Variants in CACNA1C observed in about 807,000 individuals in gnomAD.
The protein encoded by CACNA1C is calcium voltage-gated channel subunit alpha1 C.
Under a neutral mutation model 229.0 loss-of-function variants are expected in CACNA1C, and 30 were observed. That is an observed-to-expected ratio of 0.13 (90% CI 0.10 to 0.18). CACNA1C has a LOEUF of 0.18. CACNA1C is among the 10% of genes least tolerant of loss of function. The pLI is 1.00. For missense variants in CACNA1C, 1,658 were observed against 2,845.0 expected (o/e 0.58, Z 9.49); for synonymous variants, 1,114 against 1,132.5 (o/e 0.98, Z 0.33).
chr12:2,170,331 A>G (rs548895683), intron 3 of CACNA1C, among the ~76,000 whole-genome samples: 1 of 152,328 alleles, frequency 6.6e-6, no homozygotes, highest in Admixed American at 6.5e-5. Context: ...ACCTGCCGTG[A>G]CTGAGATCAG....
At chr12:2,261,011 A>C (rs1224078466) in intron 3 of CACNA1C, among the ~76,000 whole-genome samples, 1 of 152,194 alleles carries the variant, frequency 6.6e-6, no homozygotes, top group Non-Finnish European at 1.5e-5. Context: ...CTGGCAGATC[A>C]CAAGGTCAGG....
At chr12:2,423,713 A>G (rs1427859989) in intron 3 of CACNA1C, among the ~76,000 whole-genome samples, 2 of 152,120 alleles carry the variant, frequency 1.3e-5, no homozygotes, top group East Asian at 1.9e-4. Flanking sequence ...GACCCCAGTG[A>G]CCCCAGAATT....
rs748440942 is a variant in CACNA1C, at chr12:2,148,888, A to G, written c.477+28458A>G. 8.7e-4 allele frequency among the ~76,000 whole-genome samples: 132 copies of G among 152,316 alleles called. 1 individual carries two copies. The highest frequency in any genetic ancestry group is 3.4e-3 in the Middle Eastern group (1 of 294). On this transcript the variant is annotated intron_variant, in intron 3 of 46. Transcript: ENST00000399655. ...CTCTATGCACTACCAGACGCAGTCC[A>G]GTGGGCAGCCTGGCGGGTGGCCCTG...
intron 2 of CACNA1C, among the ~76,000 whole-genome samples, chr12:2,116,550 G>A (rs1234941942): frequency 6.6e-6 from 1 of 152,048 alleles, no homozygotes; most frequent in African/African-American, 2.4e-5. Flanking sequence ...TGTATTTTTA[G>A]TAGAAACGGG....
chr12:2,145,378 C>T (rs1208180930), intron 3 of CACNA1C, among the ~76,000 whole-genome samples: 1 of 150,800 alleles, frequency 6.6e-6, no homozygotes, highest in Non-Finnish European at 1.5e-5. Flanking sequence ...TTTGTTTATT[C>T]TGCTGGGTCT....
chr12:2,083,539 G>A lies in CACNA1C; in HGVS notation c.49+29928G>A, dbSNP rs149049050. Among the ~76,000 whole-genome samples, 458 of 152,334 alleles carry A rather than the reference G, an allele frequency of 3.0e-3. 2 individuals carry two copies. The highest frequency in any genetic ancestry group is 0.01 in the African/African-American group (433 of 41,580). On this transcript the variant is annotated intron_variant, in intron 1 of 46. Transcript: ENST00000399655. ...GCTGTGATTCACCCAGCCATCTCAG[G>A]TTGTGCTCTTGGGAGAGTCTTTGAT...
chr12:2,579,878 C>T (rs2059892577), intron 13 of CACNA1C, among the ~76,000 whole-genome samples: 1 of 152,224 alleles, frequency 6.6e-6, no homozygotes, highest in African/African-American at 2.4e-5. Flanking sequence ...AGGCATGAGC[C>T]ACCACCATGC....
chr12:2,265,103 G>T (rs2081859243), intron 3 of CACNA1C, among the ~76,000 whole-genome samples: 1 of 152,216 alleles, frequency 6.6e-6, no homozygotes, highest in Admixed American at 6.5e-5. Flanking sequence ...CAATACCAGG[G>T]ATTCCAGGAC....
intron 9 of CACNA1C, among the ~76,000 whole-genome samples, chr12:2,522,170 G>A (rs903922812): frequency 1.3e-5 from 2 of 152,188 alleles, no homozygotes; most frequent in Non-Finnish European, 2.9e-5. Flanking sequence ...CCCCATCTCA[G>A]GACAGGCACT....
At chr12:2,525,842 A>G (rs1268176717) in intron 9 of CACNA1C, among the ~76,000 whole-genome samples, 1 of 152,224 alleles carries the variant, frequency 6.6e-6, no homozygotes, top group East Asian at 1.9e-4. Context: ...CTCTTAAATA[A>G]CTATGATACC....
chr12:2,449,340 G>A (rs1596548737), intron 4 of CACNA1C, among the ~76,000 whole-genome samples: 1 of 152,158 alleles, frequency 6.6e-6, no homozygotes, highest in South Asian at 2.1e-4. Context: ...TTCCCGCCTC[G>A]CAGGTTGAAT....
At chr12:2,254,426 G>A (rs2076633824) in intron 3 of CACNA1C, among the ~76,000 whole-genome samples, 1 of 152,208 alleles carries the variant, frequency 6.6e-6, no homozygotes, top group African/African-American at 2.4e-5. Context: ...AGTGTTGGCT[G>A]TGAACTCTGT....
At chr12:1,997,513 C>T (rs954891047) in intron 1 of CACNA1C, among the ~76,000 whole-genome samples, 1 of 152,258 alleles carries the variant, frequency 6.6e-6, no homozygotes. Context: ...GGTGACAGAG[C>T]GAGACTCCAT....
chr12:2,004,717 G>A (rs1283973124), intron 1 of CACNA1C: 1 of 453,060 alleles, frequency 2.2e-6, no homozygotes, highest in Non-Finnish European at 4.0e-6. Context: ...ACGCGCTCGA[G>A]CCTTTGAGCT....
Position 2,610,710 on chromosome 12 carries a change from G to C in CACNA1C, c.3717+11G>C. 4 of 1,614,122 alleles carry C rather than the reference G, an allele frequency of 2.5e-6. No individual in the cohort carries two copies. The highest frequency in any genetic ancestry group is 3.4e-6 in the Non-Finnish European group (4 of 1,179,936). The stretch of plus-strand genomic sequence containing the variant: ...TGCCTGGCCATGCAGGTCAGTCCCA[G>C]GAGGAGCACAGCCATGGTGCTGCAG... On this transcript the variant is annotated intron_variant, in intron 28 of 46. Coordinates refer to ENST00000399655, the MANE Select transcript of CACNA1C (RefSeq NM_000719.7).
At chr12:2,052,635 G>C (rs1298917707), upstream of CACNA1C, among the ~76,000 whole-genome samples, 1 of 144,324 alleles carries the variant, frequency 6.9e-6, no homozygotes, top group Non-Finnish European at 1.5e-5. Flanking sequence ...GGCCACCGCG[G>C]CTGGCGCCCG....
intron 1 of CACNA1C, among the ~76,000 whole-genome samples, chr12:2,072,285 A>G (rs1465989035): frequency 6.6e-6 from 1 of 152,008 alleles, no homozygotes; most frequent in Non-Finnish European, 1.5e-5. Flanking sequence ...TGCAACCTCC[A>G]CGTTCCGGGT....
chr12:2,687,630 C>T (rs1047169856), intron 45 of CACNA1C, among the ~76,000 whole-genome samples: 1 of 152,014 alleles, frequency 6.6e-6, no homozygotes, highest in Non-Finnish European at 1.5e-5. Context: ...ACCTCCACCT[C>T]CCGGGTTCAA....
At chr12:2,216,524 AAAG>A (rs1317947315) in intron 3 of CACNA1C, among the ~76,000 whole-genome samples, 1 of 152,176 alleles carries the variant, frequency 6.6e-6, no homozygotes, top group Non-Finnish European at 1.5e-5. Flanking sequence ...TGATGGGAGG[AAAG>A]AAGAGGAATT....
Sources: allele counts gnomAD v4.1 joint callset (sites outside exome capture counted in the v4.1 genomes callset), GRCh38; gene constraint gnomAD v4.1.1; transcripts MANE v1.5; gene names NCBI Gene and HGNC (gene_info 2026-07-23, HGNC 2026-07-21).